Variants in SULT2B1 observed in about 807,000 individuals in gnomAD.
SULT2B1 encodes the protein sulfotransferase 2B1.
A neutral mutation model predicts 33.2 loss-of-function variants in SULT2B1; 16 were observed. The ratio of observed to expected loss-of-function variants is 0.48; its 90% CI spans 0.33 to 0.73. The LOEUF (loss-of-function observed/expected upper bound fraction) is 0.73. Among genes scored for constraint, SULT2B1 ranks in the 30% least tolerant of loss-of-function variants. The probability of loss-of-function intolerance (pLI) is 0.02; values close to 1 mark genes in which losing one functional copy is unlikely to be tolerated. For missense variants in SULT2B1, 500 were observed against 506.0 expected (o/e 0.99, Z 0.11); for synonymous variants, 186 against 200.5 (o/e 0.93, Z 0.61).
chr19:48,556,426 C>A (rs568244204), intron 1 of SULT2B1, among the ~76,000 whole-genome samples: 1 of 151,762 alleles, frequency 6.6e-6, no homozygotes, highest in African/African-American at 2.4e-5. Flanking sequence ...GGTTAGCAGA[C>A]GGGGAGGAGG....
chr19:48,588,478 C>T (rs960436884), intron 3 of SULT2B1, among the ~76,000 whole-genome samples: 36 of 149,700 alleles, frequency 2.4e-4, no homozygotes, highest in African/African-American at 8.1e-4. Context: ...CGCCATTGCA[C>T]TCCAGCCTGG....
At chr19:48,565,949 G>A (rs1008641457) in intron 1 of SULT2B1, among the ~76,000 whole-genome samples, 4 of 146,428 alleles carry the variant, frequency 2.7e-5, no homozygotes, top group Admixed American at 1.4e-4. Context: ...GTCTCACTCT[G>A]TTACCCAGGC....
chr19:48,590,875 G>A (rs964596051), intron 3 of SULT2B1, among the ~76,000 whole-genome samples: 1 of 151,856 alleles, frequency 6.6e-6, no homozygotes, highest in Non-Finnish European at 1.5e-5. Flanking sequence ...GTTCTGTCAT[G>A]TAGGCTGGAG....
At chr19:48,580,120 C>A (rs542827105) in intron 2 of SULT2B1, among the ~76,000 whole-genome samples, 2 of 148,120 alleles carry the variant, frequency 1.4e-5, no homozygotes, top group Middle Eastern at 3.5e-3. Context: ...TTTTCACAGA[C>A]GAGATCTCAC....
intron 1 of SULT2B1, among the ~76,000 whole-genome samples, chr19:48,563,807 A>T (rs1973209538): frequency 6.6e-6 from 1 of 152,104 alleles, no homozygotes; most frequent in Admixed American, 6.6e-5. Context: ...TCTACTAAAA[A>T]TACAAAAATT....
chr19:48,556,846 AG>A (rs1293438841), intron 1 of SULT2B1, among the ~76,000 whole-genome samples: 1 of 151,832 alleles, frequency 6.6e-6, no homozygotes, highest in African/African-American at 2.4e-5. Flanking sequence ...GCTACTCAGG[AG>A]GTTAAGGCAG....
Position 48,585,795 on chromosome 19 carries a change from G to A in SULT2B1, c.215-1434G>A, listed in dbSNP as rs111862740. Among the ~76,000 whole-genome samples the A allele has an allele frequency of 9.9e-3, 1,502 of 152,216 alleles. 11 individuals are homozygous for A. Among genetic ancestry groups the A allele is most frequent in the Non-Finnish European group, 0.015 (1,030 of 68,014 alleles). ...GTATACATATGTAACTAACCTGCAC[G>A]TTGTGCACATGTACCCTAAAACTTA... On this transcript the variant is annotated intron_variant, in intron 2 of 6. Transcript: ENST00000201586.
At chr19:48,591,472 C>CAAA in intron 3 of SULT2B1, 137 bp from the exon 4 acceptor site, 5 of 912,062 alleles carry the variant, frequency 5.5e-6, no homozygotes, top group African/African-American at 1.7e-5. Flanking sequence ...GACTCCATCG[C>CAAA]AAAAAAAAAA....
In SULT2B1 at chr19:48,552,222, G is replaced by C; in HGVS notation, c.-31G>C. 6.2e-7 allele frequency: 1 copy of C among 1,610,086 alleles called. No homozygotes were observed. Among genetic ancestry groups the C allele is most frequent in the Non-Finnish European group, 8.5e-7 (1 of 1,177,746 alleles). On this transcript the variant is annotated 5_prime_UTR_variant, in exon 1 of 7. Coordinates refer to ENST00000201586, the MANE Select transcript of SULT2B1 (RefSeq NM_177973.2). This position sits in a 1 kb window ranked among gnomAD's most constrained non-coding sequence, Gnocchi z 4.8. ...CCTCTGTGCCGCCTGCTCCCTGCTCGTCCTCCCCTCCCCACCCTCACCCAC... is the reference window on the plus strand; with the variant it reads ...CCTCTGTGCCGCCTGCTCCCTGCTCCTCCTCCCCTCCCCACCCTCACCCAC...
chr19:48,587,301 C>A lies in SULT2B1; in HGVS notation c.287C>A (p.Pro96His). 6.2e-7 allele frequency: 1 copy of A among 1,614,044 alleles called. No individual in the cohort carries two copies. The highest frequency in any genetic ancestry group is 8.5e-7 in the Non-Finnish European group (1 of 1,180,000). The stretch of plus-strand genomic sequence containing the variant: ...GATCCATCCTGGATCCGCTCCGTGC[C>A]CATCTGGGAGCGGGCACCCTGGTGT... ...EGDPSWIRSVPIWERAPWCET... is the reference protein window; with the variant it reads ...EGDPSWIRSVHIWERAPWCET... The change falls in exon 3 of 7, where the codon CCC becomes CAC. Residue 96 changes from proline to histidine, a missense_variant. Transcript: ENST00000201586.
chr19:48,588,486 T>A (rs1973596488), intron 3 of SULT2B1, among the ~76,000 whole-genome samples: 1 of 147,730 alleles, frequency 6.8e-6, no homozygotes, highest in East Asian at 1.9e-4. Context: ...CACTCCAGCC[T>A]GGGCAACAAA....
In SULT2B1 at chr19:48,559,818, G is replaced by A. The variant is rs377412235; in HGVS notation, c.71+7495G>A. Among the ~76,000 whole-genome samples the A allele has an allele frequency of 8.5e-5, 13 of 152,182 alleles. No homozygotes were observed. The South Asian group carries it at 2.5e-3, about 29-fold the overall frequency. On this transcript the variant is annotated intron_variant, in intron 1 of 6. Transcript: ENST00000201586. ...CTGGGAAAGTGGGGACCGTGACACC[G>A]CAGGCAAGAAAGCCTGCAGGGGCCA...
rs1350131489 is a variant in SULT2B1 at position 48,552,816 on chromosome 19, G to A, written c.71+493G>A. Among the ~76,000 whole-genome samples, 1 of 152,114 alleles carries A rather than the reference G, an allele frequency of 6.6e-6. No homozygotes were observed. Among genetic ancestry groups the A allele is most frequent in the Non-Finnish European group, 1.5e-5 (1 of 68,022 alleles). ...TGTTCTAGGGCACTTGGGGCGGAGA[G>A]GGCAGGCTCTGGACTCTTCAGGTCT... On this transcript the variant is annotated intron_variant, in intron 1 of 6. Coordinates refer to ENST00000201586, the MANE Select transcript of SULT2B1 (RefSeq NM_177973.2). This position sits in a 1 kb window ranked among gnomAD's most constrained non-coding sequence, Gnocchi z 4.8.
intron 1 of SULT2B1, 68 bp from the exon 2 acceptor site, chr19:48,575,873 G>T (rs377021231): frequency 9.0e-6 from 14 of 1,557,224 alleles, no homozygotes; most frequent in Middle Eastern, 1.7e-4. Context: ...TCCGAGTGTC[G>T]CCACCCTGAG....
rs76942736 is a variant in SULT2B1 at position 48,591,513 on chromosome 19, G to A, written c.424-96G>A. On this transcript the variant is annotated intron_variant, in intron 3 of 6. Coordinates refer to ENST00000201586, the MANE Select transcript of SULT2B1 (RefSeq NM_177973.2). ...TGCCCTGAGTCCTTCCTGCTTCAGGGTCAGAAGAGAGGGGTCTCCAGGGCA... is the reference window on the plus strand; with the variant it reads ...TGCCCTGAGTCCTTCCTGCTTCAGGATCAGAAGAGAGGGGTCTCCAGGGCA... The A allele has an allele frequency of 1.6e-3, 2,203 of 1,411,024 alleles. 29 individuals carry two copies. In the African/African-American group the frequency reaches 0.028, roughly 18 times the overall value. 87.4% of individuals were successfully genotyped at this position (1,411,024 alleles called of 1,614,324 possible). A position where few individuals can be genotyped will look rare whatever the true frequency, so the allele number is the denominator to read the frequency against.
intron 6 of SULT2B1, among the ~76,000 whole-genome samples, chr19:48,597,368 C>T (rs1442617549): frequency 2.0e-5 from 3 of 147,396 alleles, no homozygotes. Flanking sequence ...GAAAGAGTCT[C>T]GCTCTGTCGC....
At chr19:48,556,762 C>T (rs972887001) in intron 1 of SULT2B1, among the ~76,000 whole-genome samples, 9 of 150,328 alleles carry the variant, frequency 6.0e-5, no homozygotes, top group Admixed American at 2.6e-4. Context: ...ACCAGCCTGG[C>T]CAACATGGTG....
chr19:48,587,493 TG>T, intron 3 of SULT2B1, 56 bp downstream of exon 3: 1 of 1,580,230 alleles, frequency 6.3e-7, no homozygotes, highest in Non-Finnish European at 8.7e-7. Flanking sequence ...TATGGGGTAA[TG>T]GGGGGACGGA....
At chr19:48,593,673 G>T (rs55641672) in intron 5 of SULT2B1, among the ~76,000 whole-genome samples, 2 of 150,906 alleles carry the variant, frequency 1.3e-5, no homozygotes, top group African/African-American at 2.4e-5. Flanking sequence ...TCGCTCTTGT[G>T]GCCCAGGATG....
Sources: allele counts gnomAD v4.1 joint callset (sites outside exome capture counted in the v4.1 genomes callset), GRCh38; gene constraint gnomAD v4.1.1; non-coding constraint Gnocchi (gnomAD v3.1); transcripts MANE v1.5; gene names NCBI Gene and HGNC (gene_info 2026-07-23, HGNC 2026-07-21).